TF: variants seen among roughly 807,000 people sequenced by gnomAD.
TF encodes the protein serotransferrin.
Under a neutral mutation model 82.4 loss-of-function variants are expected in TF, and 55 were observed. The observed-to-expected ratio is 0.67, with a 90% confidence interval of 0.54 to 0.84. TF has a LOEUF of 0.84. Among genes scored for constraint, TF ranks in the 40% least tolerant of loss-of-function variants. The pLI is 0.00. For synonymous variants in TF, 332 were observed against 332.6 expected, an observed-to-expected ratio of 1.00 and a Z score of 0.02; for missense variants, 737 against 868.4, an observed-to-expected ratio of 0.85 and a Z score of 1.90.
chr3:133,710,413 T>C, the TF span, among the ~76,000 whole-genome samples: 6 of 152,302 alleles, frequency 3.9e-5, 1 homozygote, highest in African/African-American at 1.4e-4. Context: ...CCCCAACATT[T>C]ACAAGCGCCC....
At chr3:133,777,414 C>CT in intron 16 of TF, 176 bp downstream of exon 16, 2 of 637,202 alleles carry the variant, frequency 3.1e-6, no homozygotes, top group Non-Finnish European at 5.6e-6. Context: ...ACTGTAGGGG[C>CT]AGATAGTAAG....
the TF span, among the ~76,000 whole-genome samples, chr3:133,716,489 T>A: frequency 0.013 from 2,027 of 152,256 alleles, 41 homozygotes; most frequent in African/African-American, 0.045. Context: ...CCATATCTCG[T>A]CCATCACCAA....
the TF span, among the ~76,000 whole-genome samples, chr3:133,737,212 A>T: frequency 0.2 from 29,737 of 152,192 alleles, 3,034 homozygotes; most frequent in East Asian, 0.29. Flanking sequence ...TTCCTGAATG[A>T]CTACTGGGTA....
the TF span, among the ~76,000 whole-genome samples, chr3:133,726,751 G>A: frequency 6.6e-6 from 1 of 152,226 alleles, no homozygotes; most frequent in East Asian, 1.9e-4. Context: ...TGTGATGTTA[G>A]GGTGTCAATT....
chr3:133,689,328 TAAATAAATAAATAAAATAAC>T, the TF span, among the ~76,000 whole-genome samples: 6 of 151,598 alleles, frequency 4.0e-5, no homozygotes, highest in Admixed American at 3.3e-4. Context: ...TGCGTCAAAA[TAAATAAATAAATAAAATAAC>T]AAATAAATAA....
intron 3 of TF, chr3:133,753,930 G>A: frequency 1.6e-6 from 1 of 619,174 alleles, no homozygotes; most frequent in Non-Finnish European, 2.9e-6. Context: ...TGGGCCAGGG[G>A]CATATGCTTA....
chr3:133,772,600 C>T (rs1487938101), intron 14 of TF, among the ~76,000 whole-genome samples: 1 of 152,142 alleles, frequency 6.6e-6, no homozygotes, highest in Non-Finnish European at 1.5e-5. Context: ...GTCAACGTTC[C>T]CTCCTCTTCT....
chr3:133,730,450 A>G, the TF span, among the ~76,000 whole-genome samples: 2 of 152,218 alleles, frequency 1.3e-5, no homozygotes, highest in South Asian at 2.1e-4. Flanking sequence ...ACTGCTGGCT[A>G]TGGTGGGCTT....
At chr3:133,776,388 C>G (rs1559879645) in intron 15 of TF, among the ~76,000 whole-genome samples, 1 of 152,214 alleles carries the variant, frequency 6.6e-6, no homozygotes, top group Non-Finnish European at 1.5e-5. Context: ...ACACACACAT[C>G]ACCTTCCTTT....
At chr3:133,731,600 G>T in the TF span, among the ~76,000 whole-genome samples, 20 of 152,332 alleles carry the variant, frequency 1.3e-4, no homozygotes, top group African/African-American at 4.6e-4. Context: ...TGTGTATTTG[G>T]TATGTAGTCT....
chr3:133,718,751 A>G, the TF span, among the ~76,000 whole-genome samples: 541 of 152,316 alleles, frequency 3.6e-3, 2 homozygotes, highest in African/African-American at 0.012. Flanking sequence ...TTTGAGAACC[A>G]TTAGTCTAGA....
intron 3 of TF, chr3:133,753,994 A>G (rs1272379368): frequency 1.9e-6 from 1 of 532,354 alleles, no homozygotes; most frequent in African/African-American, 1.9e-5. Context: ...ACTGCGGTCT[A>G]CTGATATGTC....
upstream of TF, chr3:133,746,249 G>A: frequency 1.5e-6 from 1 of 662,908 alleles, no homozygotes. Flanking sequence ...CAGAAAATGA[G>A]GTGATCAGTG....
At chr3:133,733,350 C>T in the TF span, among the ~76,000 whole-genome samples, 2 of 152,174 alleles carry the variant, frequency 1.3e-5, no homozygotes, top group Non-Finnish European at 2.9e-5. Context: ...TCGTGTGTCC[C>T]CATCCCTGAC....
chr3:133,669,633 A>G, the TF span, among the ~76,000 whole-genome samples: 1 of 152,206 alleles, frequency 6.6e-6, no homozygotes, highest in Non-Finnish European at 1.5e-5. Flanking sequence ...GAATATCAAC[A>G]CACAGAGCAA....
the TF span, among the ~76,000 whole-genome samples, chr3:133,697,064 C>A: frequency 6.6e-6 from 1 of 152,208 alleles, no homozygotes; most frequent in East Asian, 1.9e-4. Flanking sequence ...AACTTAATGT[C>A]TTTCCTAACA....
rs751656601 is a variant in TF, at chr3:133,755,419, C to G, written c.559C>G (p.Pro187Ala). 6.3e-5 allele frequency: 101 copies of G among 1,614,202 alleles called. No homozygotes were observed. The Middle Eastern group carries it at 1.6e-3, about 26-fold the overall frequency. The change falls in exon 5 of 17, where the codon CCC becomes GCC. Residue 187 changes from proline (P) to alanine (A), a missense_variant. Pro to Ala is a conservative substitution (Grantham distance 27, BLOSUM62 -1). Coordinates refer to ENST00000402696, the MANE Select transcript of TF (RefSeq NM_001063.4). ...CAPCADGTDF[P>A]QLCQLCPGCG... ...CCCTTGTGCGGATGGGACGGACTTC[C>G]CCCAGCTGTGTCAACTGTGTCCAGG...
At chr3:133,771,163 G>A (rs1452035121) in intron 14 of TF, among the ~76,000 whole-genome samples, 1 of 152,176 alleles carries the variant, frequency 6.6e-6, no homozygotes, top group Non-Finnish European at 1.5e-5. Flanking sequence ...TAGATGCTGA[G>A]CCTAGAACAA....
At chr3:133,675,505 T>C in the TF span, among the ~76,000 whole-genome samples, 2 of 152,196 alleles carry the variant, frequency 1.3e-5, no homozygotes, top group Non-Finnish European at 2.9e-5. Flanking sequence ...CTTCTATATG[T>C]CCAAAGGACA....
Sources: allele counts gnomAD v4.1 joint callset (sites outside exome capture counted in the v4.1 genomes callset), GRCh38; gene constraint gnomAD v4.1.1; transcripts MANE v1.5; gene names NCBI Gene and HGNC (gene_info 2026-07-23, HGNC 2026-07-21).